The following MRTFA variants were observed in gnomAD, a reference collection of about 807,000 sequenced individuals.
The protein encoded by MRTFA is myocardin-related transcription factor A.
MRTFA carries 20 observed loss-of-function variants against 83.5 expected under a neutral mutation model. The ratio of observed to expected loss-of-function variants is 0.24; its 90% CI spans 0.17 to 0.35. The LOEUF (loss-of-function observed/expected upper bound fraction) is 0.35, where lower values mean the gene tolerates loss of function less well. Among genes scored for constraint, MRTFA ranks in the 10% least tolerant of loss-of-function variants. The pLI is 1.00. For synonymous variants in MRTFA, 659 were observed against 541.2 expected, an observed-to-expected ratio of 1.22 and a Z score of -3.02; for missense variants, 1,200 against 1,224.7, an observed-to-expected ratio of 0.98 and a Z score of 0.30.
chr22:40,618,223 C>T (rs1356436295), intron 1 of MRTFA, among the ~76,000 whole-genome samples: 8 of 150,852 alleles, frequency 5.3e-5, no homozygotes, highest in African/African-American at 1.7e-4. Flanking sequence ...TACAGGTGCC[C>T]GCCACCACGC....
chr22:40,508,513 CAAAAAAAAAAAAAA>C (rs1175724448), intron 3 of MRTFA, among the ~76,000 whole-genome samples: 11 of 26,068 alleles, frequency 4.2e-4, no homozygotes, highest in South Asian at 2.2e-3. Context: ...CTCCGTCTCT[CAAAAAAAAAAAAAA>C]AAAAAAAAAA....
chr22:40,574,585 C>T (rs1271756233), intron 2 of MRTFA, among the ~76,000 whole-genome samples: 2 of 151,852 alleles, frequency 1.3e-5, no homozygotes, highest in Non-Finnish European at 2.9e-5. Context: ...CAGGCATGCA[C>T]CACCACGCCG....
chr22:40,621,552 T>C (rs1346388690), intron 1 of MRTFA, among the ~76,000 whole-genome samples: 1 of 152,160 alleles, frequency 6.6e-6, no homozygotes, highest in African/African-American at 2.4e-5. Context: ...GCGGTGATGG[T>C]TTCACAATAT....
intron 3 of MRTFA, among the ~76,000 whole-genome samples, chr22:40,484,195 C>T (rs2054138592): frequency 1.3e-5 from 2 of 151,736 alleles, no homozygotes; most frequent in African/African-American, 4.8e-5. Flanking sequence ...TCTCACTCTT[C>T]AGTCCTAAAT....
chr22:40,423,101 T>C (rs948992013), intron 9 of MRTFA, among the ~76,000 whole-genome samples: 2 of 152,162 alleles, frequency 1.3e-5, no homozygotes, highest in East Asian at 3.8e-4. Context: ...ACACCGACAG[T>C]GGTAACCCCC....
intron 2 of MRTFA, among the ~76,000 whole-genome samples, chr22:40,574,191 T>C (rs1345816859): frequency 1.3e-5 from 2 of 152,190 alleles, no homozygotes; most frequent in Admixed American, 6.6e-5. Flanking sequence ...TTATCAGTCA[T>C]TGCTTTTGCC....
At chr22:40,446,602 CAG>C (rs769379230) in intron 4 of MRTFA, among the ~76,000 whole-genome samples, 47 of 152,246 alleles carry the variant, frequency 3.1e-4, no homozygotes, top group Admixed American at 1.6e-3. Flanking sequence ...GACAGAAAGA[CAG>C]AGAGACACTA....
chr22:40,530,581 G>A lies in MRTFA; in HGVS notation c.241+21525C>T, dbSNP rs376213126. Among the ~76,000 whole-genome samples, 32 of 152,330 alleles carry A rather than the reference G, an allele frequency of 2.1e-4. No individual in the cohort carries two copies. In the East Asian group the frequency reaches 6.0e-3, roughly 28 times the overall value. ...TAAAGTGCTGGGATTACAGGCGTGC[G>A]CCACCGCGCCCGGCCCCATAATGTC... On this transcript the variant is annotated intron_variant, in intron 3 of 14. Coordinates refer to ENST00000355630, the MANE Select transcript of MRTFA (RefSeq NM_020831.6).
At chr22:40,503,479 G>A (rs1293041553) in intron 3 of MRTFA, among the ~76,000 whole-genome samples, 1 of 152,154 alleles carries the variant, frequency 6.6e-6, no homozygotes, top group Non-Finnish European at 1.5e-5. Context: ...TCAAAGTACC[G>A]GGATTACAAG....
At position 40,459,780 on chromosome 22, in the gene MRTFA, TATACAC is replaced by T. The variant is rs549809764; in HGVS notation, c.307+3435_307+3440del. Among the ~76,000 whole-genome samples the T allele has an allele frequency of 7.4e-4, 60 of 80,808 alleles. 1 individual carries two copies. The South Asian group carries it at 0.015, about 21-fold the overall frequency. The allele number at this position is 80,808 out of a possible 152,430, so 53.0% of individuals were successfully genotyped here. A position where few individuals can be genotyped will look rare whatever the true frequency, so the allele number is the denominator to read the frequency against. ...GGCACTGGGGACGGGACTGATAAAATATACACACACACACACACACACACACACACA... is the reference window on the plus strand; with the variant it reads ...GGCACTGGGGACGGGACTGATAAAATACACACACACACACACACACACACA... On this transcript the variant is annotated intron_variant, in intron 4 of 14. Transcript: ENST00000355630.
intron 3 of MRTFA, among the ~76,000 whole-genome samples, chr22:40,497,019 T>C (rs906248058): frequency 3.3e-5 from 5 of 152,240 alleles, no homozygotes; most frequent in African/African-American, 1.2e-4. Flanking sequence ...ATACTTACTG[T>C]CTGCCTATCA....
intron 4 of MRTFA, among the ~76,000 whole-genome samples, chr22:40,452,873 G>A (rs1254158881): frequency 1.3e-5 from 2 of 151,846 alleles, no homozygotes; most frequent in Non-Finnish European, 2.9e-5. Flanking sequence ...CTCATGGTTG[G>A]ATTCTTCTTC....
chr22:40,555,588 A>T (rs1041094815), intron 2 of MRTFA, among the ~76,000 whole-genome samples: 5 of 150,172 alleles, frequency 3.3e-5, no homozygotes, highest in African/African-American at 7.3e-5. Flanking sequence ...AAAAAATTTT[A>T]TATATATATA....
intron 3 of MRTFA, among the ~76,000 whole-genome samples, chr22:40,521,471 G>A (rs1256354159): frequency 6.6e-6 from 1 of 151,900 alleles, no homozygotes; most frequent in African/African-American, 2.4e-5. Flanking sequence ...AAAAGTTGCT[G>A]AGCAGTATCC....
intron 3 of MRTFA, among the ~76,000 whole-genome samples, chr22:40,531,183 C>T (rs1490351625): frequency 1.3e-5 from 2 of 151,400 alleles, no homozygotes; most frequent in Non-Finnish European, 2.9e-5. Context: ...GTTGCAGCCT[C>T]GACCTCCTGG....
chr22:40,493,348 T>C (rs939841878), intron 3 of MRTFA, among the ~76,000 whole-genome samples: 4 of 152,216 alleles, frequency 2.6e-5, no homozygotes, highest in Middle Eastern at 3.4e-3. Flanking sequence ...GACACAAAAA[T>C]GAAAACCTCT....
At chr22:40,415,835 C>G (rs1323140886) in intron 14 of MRTFA, among the ~76,000 whole-genome samples, 1 of 152,070 alleles carries the variant, frequency 6.6e-6, no homozygotes, top group Non-Finnish European at 1.5e-5. Context: ...GTGTCCAGGC[C>G]TCGGTCCTCA....
At chr22:40,470,055 C>G (rs2053872825) in intron 3 of MRTFA, among the ~76,000 whole-genome samples, 1 of 151,370 alleles carries the variant, frequency 6.6e-6, no homozygotes, top group South Asian at 2.1e-4. Flanking sequence ...GAAACCCCGT[C>G]TCCACTAAAA....
intron 2 of MRTFA, among the ~76,000 whole-genome samples, chr22:40,563,186 T>C (rs2055654610): frequency 6.6e-6 from 1 of 152,176 alleles, no homozygotes; most frequent in Non-Finnish European, 1.5e-5. Context: ...TGCGGCTCTT[T>C]ACTGTGACTG....
Sources: gnomAD v4.1 joint callset for allele counts (sites outside exome capture counted in the v4.1 genomes callset) on GRCh38, gnomAD v4.1.1 for gene constraint, MANE v1.5 for transcripts, NCBI Gene and HGNC (gene_info 2026-07-23, HGNC 2026-07-21) for gene names.